The following GAB4 variants were observed in gnomAD, a reference collection of about 807,000 sequenced individuals.
The protein encoded by GAB4 is GRB2-associated-binding protein 4.
Under a neutral mutation model 51.3 loss-of-function variants are expected in GAB4, and 26 were observed. The observed-to-expected ratio is 0.51, with a 90% CI of 0.37 to 0.70. The LOEUF is 0.70. Ranked by LOEUF, GAB4 falls within the 30% of genes least tolerant of loss-of-function variation. The probability of loss-of-function intolerance (pLI) is 0.00; values close to 1 mark genes in which losing one functional copy is unlikely to be tolerated. For synonymous variants in GAB4, 329 were observed against 291.2 expected, an observed-to-expected ratio of 1.13 and a Z score of -1.32; for missense variants, 759 against 734.6, an observed-to-expected ratio of 1.03 and a Z score of -0.38.
chr22:17,004,703 A>T (rs2061026163), intron 1 of GAB4, among the ~76,000 whole-genome samples: 1 of 151,874 alleles, frequency 6.6e-6, no homozygotes, highest in Non-Finnish European at 1.5e-5. Context: ...TTTATGACAA[A>T]CAATCAATAA....
chr22:16,975,992 A>C (rs1472065649), intron 3 of GAB4, among the ~76,000 whole-genome samples: 6 of 152,130 alleles, frequency 3.9e-5, no homozygotes, highest in Admixed American at 6.5e-5. Context: ...ACAACAACAA[A>C]AAAAAACATC....
chr22:16,980,821 G>A (rs1307516630), intron 3 of GAB4, among the ~76,000 whole-genome samples: 2 of 152,290 alleles, frequency 1.3e-5, no homozygotes, highest in African/African-American at 4.8e-5. Context: ...GGAATACTAT[G>A]CAGCCATAAA....
intron 3 of GAB4, among the ~76,000 whole-genome samples, chr22:16,970,724 C>G (rs915256180): frequency 1.1e-4 from 16 of 152,170 alleles, no homozygotes; most frequent in Non-Finnish European, 8.8e-5. Flanking sequence ...TAAAGTAAAC[C>G]AGCTCATGGG....
At chr22:17,005,003 C>A (rs2061028667) in intron 1 of GAB4, among the ~76,000 whole-genome samples, 1 of 152,096 alleles carries the variant, frequency 6.6e-6, no homozygotes, top group African/African-American at 2.4e-5. Flanking sequence ...CTGGCCAGGA[C>A]AATCAGGCAA....
At chr22:16,992,410 T>C (rs186338400) in intron 1 of GAB4, among the ~76,000 whole-genome samples, 30 of 152,260 alleles carry the variant, frequency 2.0e-4, no homozygotes, top group Non-Finnish European at 4.4e-4. Context: ...TTCCACACTT[T>C]AGAGCAGGAG....
At chr22:17,004,232 C>T (rs1435633725) in intron 1 of GAB4, among the ~76,000 whole-genome samples, 4 of 152,166 alleles carry the variant, frequency 2.6e-5, no homozygotes, top group African/African-American at 7.2e-5. Context: ...GATTCACAGC[C>T]GATTTCTACC....
chr22:16,999,062 T>C (rs529723903), intron 1 of GAB4, among the ~76,000 whole-genome samples: 1 of 152,370 alleles, frequency 6.6e-6, no homozygotes, highest in South Asian at 2.1e-4. Flanking sequence ...TTGAGCATTT[T>C]TGCATTGATG....
At position 16,987,974 on chromosome 22, in the gene GAB4, T is replaced by C; in HGVS notation, c.672A>G (p.Arg224=). 6.2e-7 allele frequency: 1 copy of C among 1,602,946 alleles called. No individual in the cohort carries two copies. Among genetic ancestry groups the C allele is most frequent in the South Asian group, 1.1e-5 (1 of 89,016 alleles). ...CLRSHQHASQ[R]AEHARSASFS... ...TAGCCCCCTACCTTGCATGTTCTGC[T>C]CTCTGGCTGGCGTGCTGGTGCGAGC... The change falls in exon 3 of 10, where the codon AGA becomes AGG. Residue 224 remains arginine, a synonymous_variant. Coordinates refer to ENST00000400588, the MANE Select transcript of GAB4 (RefSeq NM_001037814.1).
At chr22:16,989,249 T>C (rs565943721) in intron 2 of GAB4, among the ~76,000 whole-genome samples, 1 of 152,390 alleles carries the variant, frequency 6.6e-6, no homozygotes, top group African/African-American at 2.4e-5. Context: ...TAATTTCAAA[T>C]GATGTGATCG....
intron 3 of GAB4, among the ~76,000 whole-genome samples, chr22:16,984,779 T>C (rs2060854430): frequency 6.6e-6 from 1 of 152,196 alleles, no homozygotes; most frequent in Non-Finnish European, 1.5e-5. Context: ...GCATAAGACT[T>C]GGGTGGTTTC....
intron 1 of GAB4, among the ~76,000 whole-genome samples, chr22:17,004,647 T>C (rs2061025661): frequency 6.6e-6 from 1 of 151,444 alleles, no homozygotes; most frequent in South Asian, 2.1e-4. Flanking sequence ...CTAAAAACTC[T>C]CAATAAACTA....
rs527639334 is a variant in GAB4 at position 16,963,943 on chromosome 22, G to A, written c.1477-114C>T. 23 of 715,060 alleles carry A rather than the reference G, an allele frequency of 3.2e-5. No homozygotes were observed. In the East Asian group the frequency reaches 5.4e-4, roughly 17 times the overall value. 44.3% of individuals were successfully genotyped at this position (715,060 alleles called of 1,614,324 possible). A position where few individuals can be genotyped will look rare whatever the true frequency, so the allele number is the denominator to read the frequency against. Reference sequence around the variant, plus strand: ...CCCACTGGGTCCTACTCTGAGCCATGCACTGGGGCACTCTCTGCTCATTCA... The same window carrying A: ...CCCACTGGGTCCTACTCTGAGCCATACACTGGGGCACTCTCTGCTCATTCA... On this transcript the variant is annotated intron_variant, in intron 8 of 9. Coordinates refer to ENST00000400588, the MANE Select transcript of GAB4 (RefSeq NM_001037814.1).
At chr22:16,963,273 T>G (rs1487214796) in intron 9 of GAB4, among the ~76,000 whole-genome samples, 1 of 152,028 alleles carries the variant, frequency 6.6e-6, no homozygotes, top group African/African-American at 2.4e-5. Flanking sequence ...GAGATGGAGC[T>G]CTCCACCCTG....
At chr22:17,000,579 T>C (rs2123722740) in intron 1 of GAB4, among the ~76,000 whole-genome samples, 1 of 152,346 alleles carries the variant, frequency 6.6e-6, no homozygotes, top group Non-Finnish European at 1.5e-5. Flanking sequence ...TGATGGGTCT[T>C]GACTCTTTAT....
At chr22:16,968,412 A>T (rs777521958) in intron 4 of GAB4, 29 bp from the exon 5 acceptor site, 2 of 1,529,494 alleles carry the variant, frequency 1.3e-6, no homozygotes, top group Non-Finnish European at 1.8e-6. Flanking sequence ...ATCCACATGC[A>T]TCACAGCTGA....
intron 2 of GAB4, 111 bp from the exon 3 acceptor site, chr22:16,988,278 T>G (rs1385056071): frequency 1.3e-6 from 1 of 750,558 alleles, no homozygotes; most frequent in East Asian, 2.6e-5. Context: ...TCCTCTCACA[T>G]GCCTGCCTCC....
At position 16,966,346 on chromosome 22, in the gene GAB4, C is replaced by A; in HGVS notation, c.1042G>T (p.Gly348Cys). ...TCAGAAGCAATGCTGTCTGACAGGCCCACAAGCGTTCTTCCTGGCTAGGAA... is the reference window on the plus strand; with the variant it reads ...TCAGAAGCAATGCTGTCTGACAGGCACACAAGCGTTCTTCCTGGCTAGGAA... ...CSFLPGRTLV[G>C]LSDSIASEGS... The change falls in exon 6 of 10, where the codon GGC (glycine) becomes TGC (cysteine). Residue 348 changes from glycine (G) to cysteine (C), a missense_variant. By Grantham distance (159) the Gly-to-Cys change is radical. Coordinates refer to ENST00000400588, the MANE Select transcript of GAB4 (RefSeq NM_001037814.1). The A allele has an allele frequency of 6.2e-7, 1 of 1,611,982 alleles. No homozygotes were observed. The highest frequency in any genetic ancestry group is 8.5e-7 in the Non-Finnish European group (1 of 1,178,766).
Position 16,995,599 on chromosome 22 carries a change from C to T in GAB4, c.175-3423G>A, listed in dbSNP as rs368808652. Among the ~76,000 whole-genome samples the T allele has an allele frequency of 9.2e-5, 14 of 152,304 alleles. No homozygotes were observed. In the South Asian group the frequency reaches 1.2e-3, roughly 14 times the overall value. ...TCTGGCAGGTGCCCCTCTGGGATGA[C>T]GCTTCCAGAGGAAGGAGCAGGCAGC... On this transcript the variant is annotated intron_variant, in intron 1 of 9. Coordinates refer to ENST00000400588, the MANE Select transcript of GAB4 (RefSeq NM_001037814.1).
chr22:17,005,603 A>G (rs1601295995), intron 1 of GAB4, among the ~76,000 whole-genome samples: 3 of 152,354 alleles, frequency 2.0e-5, no homozygotes, highest in African/African-American at 7.2e-5. Flanking sequence ...TTCAAACTGT[A>G]CTACAAGGTT....
Sources: gnomAD v4.1 joint callset for allele counts (sites outside exome capture counted in the v4.1 genomes callset) on GRCh38, gnomAD v4.1.1 for gene constraint, MANE v1.5 for transcripts, NCBI Gene and HGNC (gene_info 2026-07-23, HGNC 2026-07-21) for gene names.